The following KMT2B variants were observed in gnomAD, a reference collection of about 807,000 sequenced individuals.
KMT2B encodes histone-lysine N-methyltransferase 2B.
KMT2B carries 22 observed loss-of-function variants against 255.3 expected under a neutral mutation model. The ratio of observed to expected loss-of-function variants is 0.09; its 90% CI spans 0.06 to 0.12. The LOEUF is 0.12. Among genes scored for constraint, KMT2B ranks in the 10% least tolerant of loss-of-function variants. The pLI, the probability that KMT2B is intolerant of heterozygous loss-of-function variation, is 1.00. For synonymous variants in KMT2B, 1,730 were observed against 1,498.1 expected (o/e 1.15, Z -3.57); for missense variants, 3,149 against 3,737.0 (o/e 0.84, Z 4.10).
At position 35,732,560 on chromosome 19, in the gene KMT2B, A is replaced by G; in HGVS notation, c.6011A>G (p.Gln2004Arg). 1 of 1,613,696 alleles carries G rather than the reference A, an allele frequency of 6.2e-7. No individual in the cohort carries two copies. The change falls in exon 28 of 37, where the codon CAG becomes CGG. Residue 2004 changes from glutamine (Q) to arginine (R), a missense_variant. By Grantham distance (43) the Gln-to-Arg change is conservative. This residue lies in a region of KMT2B where 897 missense variants were observed against 825.3 expected (regional missense o/e 1.09). Transcript: ENST00000420124. ...AASLLGTEPF[Q>R]EEIVAAGAMG... ...AGCCTGCTGGGGACTGAGCCCTTCCAGGAAGAGATTGTAGCCGCTGGGGCC... is the reference window on the plus strand; with the variant it reads ...AGCCTGCTGGGGACTGAGCCCTTCCGGGAAGAGATTGTAGCCGCTGGGGCC...
intron 26 of KMT2B, among the ~76,000 whole-genome samples, chr19:35,731,264 C>T (rs1019336704): frequency 3.3e-5 from 5 of 152,336 alleles, no homozygotes; most frequent in Middle Eastern, 3.4e-3. Context: ...CTGCTCAGCT[C>T]CCAAACCGGC....
intron 2 of KMT2B, 83 bp downstream of exon 2, chr19:35,719,624 G>A: frequency 1.3e-6 from 2 of 1,503,578 alleles, no homozygotes; most frequent in Non-Finnish European, 9.1e-7. Context: ...TGTTCAACTA[G>A]CCTCTGTCAG....
Position 35,718,478 on chromosome 19 carries a change from C to G in KMT2B, c.363+97C>G. 8.5e-7 allele frequency: 1 copy of G among 1,175,612 alleles called. No individual in the cohort carries two copies. Among genetic ancestry groups the G allele is most frequent in the Non-Finnish European group, 1.1e-6 (1 of 942,376 alleles). The allele number at this position is 1,175,612 out of a possible 1,614,324, so 72.8% of individuals were successfully genotyped here. On this transcript the variant is annotated intron_variant, in intron 1 of 36. Coordinates refer to ENST00000420124, the MANE Select transcript of KMT2B (RefSeq NM_014727.3). The surrounding 1 kb of genome is among the most constrained non-coding windows in gnomAD (Gnocchi z 5.0). ...CGGGGGCGGCGTGGGCAGGCCGGGT[C>G]CTCAGGGTTCCTTCGGAGAGACGGG...
At chr19:35,722,498 A>G in intron 4 of KMT2B, 26 bp downstream of exon 4, 1 of 1,604,704 alleles carries the variant, frequency 6.2e-7, no homozygotes, top group South Asian at 1.1e-5. Context: ...AGGGCCCTGA[A>G]GAAGACTGGC....
In KMT2B at chr19:35,729,089, C is replaced by T. The variant is rs1451731673; in HGVS notation, c.4779+13C>T. The T allele has an allele frequency of 4.3e-6, 7 of 1,613,902 alleles. No individual in the cohort carries two copies. Among genetic ancestry groups the T allele is most frequent in the Middle Eastern group, 1.6e-4 (1 of 6,084 alleles). On this transcript the variant is annotated intron_variant, in intron 21 of 36. Coordinates refer to ENST00000420124, the MANE Select transcript of KMT2B (RefSeq NM_014727.3). ...TGCAGACTCCAAGGTGAGGGCTGCT[C>T]TGTGACGCACCAGGTTGTGGGGCCT...
rs199638121 is a variant in KMT2B, at chr19:35,721,803, C to G, written c.2456C>G (p.Pro819Arg). Reference sequence around the variant, plus strand: ...CAGCAGAAGGTGGCAGCTTCCATGCCGGTGAGTGTGGTCCCTGGGCCCAGC... The same window carrying G: ...CAGCAGAAGGTGGCAGCTTCCATGCGGGTGAGTGTGGTCCCTGGGCCCAGC... ...QQQQKVAASM[P>R]LSPGGQMEEV... The change falls in exon 3 of 37, where the codon CCG becomes CGG. Residue 819 changes from proline (P) to arginine (R), a missense_variant and splice_region_variant. This residue lies in a region of KMT2B where 1,188 missense variants were observed against 1,106.4 expected (regional missense o/e 1.07). Coordinates refer to ENST00000420124, the MANE Select transcript of KMT2B (RefSeq NM_014727.3). The G allele has an allele frequency of 1.3e-6, 2 of 1,580,438 alleles. No individual in the cohort carries two copies. Among genetic ancestry groups the G allele is most frequent in the South Asian group, 2.3e-5 (2 of 86,214 alleles).
Position 35,723,517 on chromosome 19 carries a change from G to A in KMT2B, c.3058+15G>A, listed in dbSNP as rs1453961185. 1.3e-6 allele frequency: 2 copies of A among 1,558,820 alleles called. No homozygotes were observed. The highest frequency in any genetic ancestry group is 2.4e-5 in the South Asian group (2 of 84,378). On this transcript the variant is annotated intron_variant, in intron 7 of 36. Transcript: ENST00000420124. The surrounding 1 kb of genome is among the most constrained non-coding windows in gnomAD (Gnocchi z 7.5). ...GGCTAAAAAAGGTGACGAGCTTTAAGGAGCATTTCTTCTCAAAACCGTGTT... is the reference window on the plus strand; with the variant it reads ...GGCTAAAAAAGGTGACGAGCTTTAAAGAGCATTTCTTCTCAAAACCGTGTT...
chr19:35,730,508 G>C, intron 24 of KMT2B, 30 bp from the exon 25 acceptor site: 1 of 1,613,946 alleles, frequency 6.2e-7, no homozygotes, highest in Non-Finnish European at 8.5e-7. Context: ...TGTCCTGCCT[G>C]CCTCTCCTGA....
Position 35,737,732 on chromosome 19 carries a change from C to G in KMT2B, c.7647C>G (p.Leu2549=), listed in dbSNP as rs1969974011. 1.3e-6 allele frequency: 2 copies of G among 1,577,394 alleles called. 1 individual carries two copies. Among genetic ancestry groups the G allele is most frequent in the Admixed American group, 3.7e-5 (2 of 54,388 alleles). The change falls in exon 34 of 37, where the codon CTC becomes CTG. Residue 2549 remains leucine (L), a synonymous_variant. Transcript: ENST00000420124. The surrounding 1 kb of genome is among the most constrained non-coding windows in gnomAD (Gnocchi z 5.3). ...TCDEEEDEVQ[L]RSTRRATSLE... is the part of the protein sequence containing the mutation. ...ATGAGGAAGAGGATGAGGTGCAGCT[C>G]AGGTCAACCAGGTATGGAGTGTGAG...
At position 35,732,771 on chromosome 19, in the gene KMT2B, G is replaced by A. The variant is rs771466265; in HGVS notation, c.6222G>A (p.Ala2074=). The change falls in exon 28 of 37, where the codon GCG becomes GCA. Residue 2074 remains alanine, a synonymous_variant. Coordinates refer to ENST00000420124, the MANE Select transcript of KMT2B (RefSeq NM_014727.3). ...VDDGTDSEAE[A]VQQPRGQGTP... The stretch of plus-strand genomic sequence containing the variant: ...ACGGCACTGACAGTGAGGCTGAGGC[G>A]GTGCAGCAGCCTCGGGGCCAGGGCA... 40 of 1,608,790 alleles carry A rather than the reference G, an allele frequency of 2.5e-5. No individual in the cohort carries two copies. The highest frequency in any genetic ancestry group is 1.2e-4 in the South Asian group (11 of 90,434).
rs1234003645 is a variant in KMT2B, at chr19:35,725,425, T to C, written c.3643-54T>C. 1.3e-6 allele frequency: 2 copies of C among 1,598,386 alleles called. No homozygotes were observed. The highest frequency in any genetic ancestry group is 2.7e-5 in the African/African-American group (2 of 74,774). ...GCCCTCTCAGCTGGGTCTCATCCCT[T>C]GGCCCTCTGGCCTCATGCTATGCCC... On this transcript the variant is annotated intron_variant, in intron 11 of 36. Transcript: ENST00000420124. This position sits in a 1 kb window ranked among gnomAD's most constrained non-coding sequence, Gnocchi z 4.1.
rs1178719022 is a variant in KMT2B at position 35,732,078 on chromosome 19, T to C, written c.5608T>C (p.Tyr1870His). 6.2e-7 allele frequency: 1 copy of C among 1,609,618 alleles called. No homozygotes were observed. Among genetic ancestry groups the C allele is most frequent in the Admixed American group, 1.7e-5 (1 of 59,588 alleles). ...GGGGGCTCGAATCAAAGTGCCCAAC[T>C]ACTCGCCATCCCGGAGGCCCTTGGG... is the stretch of plus-strand genomic sequence containing the variant. ...FSGARIKVPN[Y>H]SPSRRPLGGV... The change falls in exon 27 of 37, where the codon TAC becomes CAC. Residue 1870 changes from tyrosine to histidine, a missense_variant. Around this residue, in one of 18 missense-constraint regions of KMT2B, gnomAD observed 897 missense variants for 825.3 expected, o/e 1.09. Transcript: ENST00000420124.
At chr19:35,721,841 C>T in intron 3 of KMT2B, 37 bp downstream of exon 3, 1 of 1,513,774 alleles carries the variant, frequency 6.6e-7, no homozygotes, top group South Asian at 1.3e-5. Flanking sequence ...CACACCCAGC[C>T]ATCCAGCCTC....
chr19:35,721,192 C>T lies in KMT2B; in HGVS notation c.1845C>T (p.Thr615=). Residue 615 remains threonine (T), a synonymous_variant, in exon 3 of 37, where the codon ACC becomes ACT. Coordinates refer to ENST00000420124, the MANE Select transcript of KMT2B (RefSeq NM_014727.3). ...REPTFRWTSL[T]RELPPPPPAP... is the part of the protein sequence containing the mutation. The stretch of plus-strand genomic sequence containing the variant: ...CCACATTTCGCTGGACCTCACTGAC[C>T]CGGGAGCTGCCCCCTCCTCCCCCAG... The T allele has an allele frequency of 6.5e-7, 1 of 1,547,340 alleles. No homozygotes were observed. Among genetic ancestry groups the T allele is most frequent in the Non-Finnish European group, 8.7e-7 (1 of 1,146,606 alleles).
At position 35,722,394 on chromosome 19, in the gene KMT2B, G is replaced by A. The variant is rs769536057; in HGVS notation, c.2493G>A (p.Gly831=). 5 of 1,610,880 alleles carry A rather than the reference G, an allele frequency of 3.1e-6. No individual in the cohort carries two copies. Among genetic ancestry groups the A allele is most frequent in the Non-Finnish European group, 4.2e-6 (5 of 1,179,798 alleles). Residue 831 remains glycine, a synonymous_variant, in exon 4 of 37, where the codon GGG becomes GGA. Coordinates refer to ENST00000420124, the MANE Select transcript of KMT2B (RefSeq NM_014727.3). ...SPGGQMEEVA[G]AVKQISDRGP... ...GAGGGCAGATGGAGGAGGTGGCCGG[G>A]GCTGTCAAGCAGATCTCCGACAGAG...
At position 35,718,109 on chromosome 19, in the gene KMT2B, G is replaced by GGGGGCC; in HGVS notation, c.93_98dup (p.Arg33_Gly34dup). 1.0e-6 allele frequency: 1 copy of GGGGGCC among 995,888 alleles called. No individual in the cohort carries two copies. Among genetic ancestry groups the GGGGGCC allele is most frequent in the Non-Finnish European group, 1.2e-6 (1 of 838,290 alleles). 61.7% of individuals were successfully genotyped at this position (995,888 alleles called of 1,614,324 possible). Reference sequence around the variant, plus strand: ...CCGGCCGCGGGGCGCCGGCGGGGGCGGGGGCCGCGGCGGACGGGGCAACGG... The same window carrying GGGGGCC: ...CCGGCCGCGGGGCGCCGGCGGGGGCGGGGGCCGGGGCCGCGGCGGACGGGGCAACGG... On this transcript the variant is annotated inframe_insertion, in exon 1 of 37. Transcript: ENST00000420124. This position sits in a 1 kb window ranked among gnomAD's most constrained non-coding sequence, Gnocchi z 5.0.
At chr19:35,730,999 C>A in intron 26 of KMT2B, 132 bp downstream of exon 26, 1 of 1,042,268 alleles carries the variant, frequency 9.6e-7, no homozygotes, top group Non-Finnish European at 1.4e-6. Context: ...GTAACGGCAG[C>A]TCGCTTACTG....
At position 35,737,334 on chromosome 19, in the gene KMT2B, G is replaced by A. The variant is rs1969957326; in HGVS notation, c.7550+71G>A. 7 of 1,411,102 alleles carry A rather than the reference G, an allele frequency of 5.0e-6. No individual in the cohort carries two copies. Among genetic ancestry groups the A allele is most frequent in the Non-Finnish European group, 6.5e-6 (7 of 1,072,322 alleles). The allele number at this position is 1,411,102 out of a possible 1,614,324, so 87.4% of individuals were successfully genotyped here. On this transcript the variant is annotated intron_variant, in intron 33 of 36. Coordinates refer to ENST00000420124, the MANE Select transcript of KMT2B (RefSeq NM_014727.3). This position sits in a 1 kb window ranked among gnomAD's most constrained non-coding sequence, Gnocchi z 5.3. The stretch of plus-strand genomic sequence containing the variant: ...GAGCTCTTGAGGGTGGGAGTTAACT[G>A]TAGAGGTTGGAAACTGAGGCCTGGG...
At position 35,730,061 on chromosome 19, in the gene KMT2B, A is replaced by G; in HGVS notation, c.5012A>G (p.Tyr1671Cys). Residue 1671 changes from tyrosine to cysteine, a missense_variant, in exon 23 of 37, where the codon TAC (tyrosine) becomes TGC (cysteine). Physicochemically the swap from Tyr to Cys is radical, Grantham distance 194. Around this residue, in one of 18 missense-constraint regions of KMT2B, gnomAD observed 14 missense variants for 69.9 expected, o/e 0.20. Transcript: ENST00000420124. ...CACTTCATGTGTGCCCGGGCCAGCT[A>G]CTGCATCTTCCAGGATGACAAGAAA... ...NFHFMCARAS[Y>C]CIFQDDKKVF... 4 of 1,613,764 alleles carry G rather than the reference A, an allele frequency of 2.5e-6. No homozygotes were observed. Among genetic ancestry groups the G allele is most frequent in the Admixed American group, 1.7e-5 (1 of 59,974 alleles).
Sources: gnomAD v4.1 joint callset for allele counts (sites outside exome capture counted in the v4.1 genomes callset) on GRCh38, gnomAD v4.1.1 for gene constraint, gnomAD v4.1.1 regional missense constraint, Gnocchi (gnomAD v3.1) non-coding constraint, MANE v1.5 for transcripts, NCBI Gene and HGNC (gene_info 2026-07-23, HGNC 2026-07-21) for gene names.